Variants in GABRB1 observed in about 807,000 individuals in gnomAD.
The protein encoded by GABRB1 is gamma-aminobutyric acid receptor subunit beta-1.
GABRB1 carries 17 observed loss-of-function variants against 51.6 expected under a neutral mutation model. That is an observed-to-expected ratio of 0.33 (90% CI 0.23 to 0.49). The LOEUF is 0.49. GABRB1 is among the 20% of genes least tolerant of loss of function. GABRB1 has a pLI of 0.99. For synonymous variants in GABRB1, 247 were observed against 218.9 expected (o/e 1.13, Z -1.14); for missense variants, 410 against 600.6 (o/e 0.68, Z 3.32).
Position 47,315,878 on chromosome 4 carries a change from C to A in GABRB1, c.462-4249C>A, listed in dbSNP as rs547204015. The stretch of plus-strand genomic sequence containing the variant: ...AAAGAAGGAAAAACAGTCACTGAGG[C>A]ATACTTGAAGGTGGAGGGAAGGAGG... On this transcript the variant is annotated intron_variant, in intron 4 of 8. Transcript: ENST00000295454. Among the ~76,000 whole-genome samples the A allele has an allele frequency of 2.6e-5, 4 of 151,666 alleles. No individual in the cohort carries two copies. The South Asian group carries it at 8.3e-4, about 32-fold the overall frequency.
At chr4:47,020,867 T>C (rs1724912589) in intron 1 of GABRB1, among the ~76,000 whole-genome samples, 1 of 152,196 alleles carries the variant, frequency 6.6e-6, no homozygotes, top group Admixed American at 6.6e-5. Context: ...ATGCTTCAAC[T>C]CTCTGACTCA....
intron 1 of GABRB1, among the ~76,000 whole-genome samples, chr4:47,004,912 G>T (rs1286060306): frequency 6.6e-6 from 1 of 152,124 alleles, no homozygotes; most frequent in African/African-American, 2.4e-5. Context: ...TTCCTCGAAG[G>T]TCAATGGCAT....
chr4:47,093,824 T>C (rs1714256431), intron 3 of GABRB1, among the ~76,000 whole-genome samples: 1 of 152,204 alleles, frequency 6.6e-6, no homozygotes, highest in African/African-American at 2.4e-5. Context: ...TTGAGTAACA[T>C]GTAAAGGCCA....
rs553763917 is a variant in GABRB1 at position 47,125,473 on chromosome 4, A to G, written c.241-35776A>G. Among the ~76,000 whole-genome samples the G allele has an allele frequency of 3.8e-4, 58 of 151,994 alleles. 1 individual carries two copies. The highest frequency in any genetic ancestry group is 1.3e-4 in the Admixed American group (2 of 15,242). ...GTAATAATGGGGCATATATTATTTA[A>G]ACTTTAGTATAAAAATTAAAAGATA... On this transcript the variant is annotated intron_variant, in intron 3 of 8. Coordinates refer to ENST00000295454, the MANE Select transcript of GABRB1 (RefSeq NM_000812.4).
rs575524967 is a variant in GABRB1 at position 47,161,425 on chromosome 4, A to G, written c.417A>G (p.Arg139=). The part of the protein sequence containing the change: ...SFVHGVTVKN[R]MIRLHPDGTV... Reference sequence around the variant, plus strand: ...TGCATGGGGTCACAGTGAAAAATCGAATGATTCGACTGCATCCTGATGGAA... The same window carrying G: ...TGCATGGGGTCACAGTGAAAAATCGGATGATTCGACTGCATCCTGATGGAA... The change falls in exon 4 of 9, where the codon CGA becomes CGG. Residue 139 remains arginine (R), a synonymous_variant. Coordinates refer to ENST00000295454, the MANE Select transcript of GABRB1 (RefSeq NM_000812.4). The G allele has an allele frequency of 1.9e-5, 30 of 1,612,726 alleles. No homozygotes were observed. In the East Asian group the frequency reaches 5.4e-4, roughly 29 times the overall value.
At chr4:47,177,357 G>A (rs1461549373) in intron 4 of GABRB1, among the ~76,000 whole-genome samples, 1 of 151,924 alleles carries the variant, frequency 6.6e-6, no homozygotes, top group Non-Finnish European at 1.5e-5. Flanking sequence ...AGAGAAGAGG[G>A]GCCTGAAAAA....
At chr4:47,105,156 C>T (rs1406528838) in intron 3 of GABRB1, among the ~76,000 whole-genome samples, 2 of 152,066 alleles carry the variant, frequency 1.3e-5, no homozygotes, top group Non-Finnish European at 2.9e-5. Flanking sequence ...TATGAGTAGC[C>T]TCAGTGCATC....
chr4:47,396,243 G>A (rs1728177435), intron 5 of GABRB1, among the ~76,000 whole-genome samples: 1 of 152,120 alleles, frequency 6.6e-6, no homozygotes, highest in Admixed American at 6.5e-5. Context: ...CAAGGGAAAT[G>A]AGTTTCCCCT....
intron 3 of GABRB1, among the ~76,000 whole-genome samples, chr4:47,087,389 T>C (rs923099397): frequency 1.1e-4 from 16 of 152,114 alleles, no homozygotes; most frequent in African/African-American, 3.9e-4. Context: ...TTCCATTATA[T>C]AGGCAGGCTG....
At chr4:47,197,898 C>T (rs559180831) in intron 4 of GABRB1, among the ~76,000 whole-genome samples, 4 of 152,260 alleles carry the variant, frequency 2.6e-5, no homozygotes, top group African/African-American at 9.6e-5. Flanking sequence ...AACTTCAAGC[C>T]TTTTAATTTA....
At chr4:47,254,371 T>TTTTTTG (rs1722111941) in intron 4 of GABRB1, among the ~76,000 whole-genome samples, 2 of 121,064 alleles carry the variant, frequency 1.7e-5, no homozygotes, top group African/African-American at 6.5e-5. Flanking sequence ...GTTTTTTTTT[T>TTTTTTG]TTTTTTTTTT....
chr4:47,018,635 C>A (rs777264574), intron 1 of GABRB1, among the ~76,000 whole-genome samples: 1 of 152,106 alleles, frequency 6.6e-6, no homozygotes, highest in Non-Finnish European at 1.5e-5. Context: ...TTGATTGACA[C>A]ATATTTTATA....
intron 3 of GABRB1, among the ~76,000 whole-genome samples, chr4:47,100,340 G>A (rs1714669156): frequency 6.6e-6 from 1 of 152,016 alleles, no homozygotes; most frequent in Non-Finnish European, 1.5e-5. Context: ...GAGGATCCCT[G>A]TTCTTTAGGA....
chr4:47,316,073 T>C (rs1464226519), intron 4 of GABRB1, among the ~76,000 whole-genome samples: 1 of 151,814 alleles, frequency 6.6e-6, no homozygotes, highest in Non-Finnish European at 1.5e-5. Flanking sequence ...TATTTTAAAC[T>C]ATAATAAGAA....
intron 4 of GABRB1, among the ~76,000 whole-genome samples, chr4:47,168,391 A>T (rs1019337145): frequency 6.6e-6 from 1 of 152,174 alleles, no homozygotes; most frequent in Non-Finnish European, 1.5e-5. Flanking sequence ...GTTAACATTC[A>T]CATCTCTTTT....
intron 3 of GABRB1, among the ~76,000 whole-genome samples, chr4:47,141,424 G>A (rs976985228): frequency 2.0e-5 from 3 of 151,898 alleles, no homozygotes; most frequent in African/African-American, 7.2e-5. Flanking sequence ...TCTCCACTTA[G>A]ATCAGATATT....
chr4:47,206,968 A>C (rs1236390968), intron 4 of GABRB1, among the ~76,000 whole-genome samples: 1 of 151,928 alleles, frequency 6.6e-6, no homozygotes, highest in Non-Finnish European at 1.5e-5. Context: ...GAAACCTGAA[A>C]GACTTAAGTG....
At chr4:47,112,974 A>G (rs895848549) in intron 3 of GABRB1, among the ~76,000 whole-genome samples, 3 of 152,102 alleles carry the variant, frequency 2.0e-5, no homozygotes, top group Non-Finnish European at 4.4e-5. Context: ...CTTGGCAATT[A>G]TGATAATTTT....
chr4:47,066,993 CT>C (rs1409199105), intron 3 of GABRB1, among the ~76,000 whole-genome samples: 1 of 152,124 alleles, frequency 6.6e-6, no homozygotes, highest in Non-Finnish European at 1.5e-5. Context: ...GGAATTACTC[CT>C]CGAATGAACG....
Sources: gnomAD v4.1 joint callset for allele counts (sites outside exome capture counted in the v4.1 genomes callset) on GRCh38, gnomAD v4.1.1 for gene constraint, MANE v1.5 for transcripts, NCBI Gene and HGNC (gene_info 2026-07-23, HGNC 2026-07-21) for gene names.